Variants in FGF14 observed in about 807,000 individuals in gnomAD.
FGF14 encodes the protein fibroblast growth factor 14.
Under a neutral mutation model 25.5 loss-of-function variants are expected in FGF14, and 5 were observed. That is an observed-to-expected ratio of 0.20 (90% CI 0.10 to 0.41). The LOEUF (loss-of-function observed/expected upper bound fraction) is 0.41, where lower values mean the gene tolerates loss of function less well. FGF14 is among the 10% of genes least tolerant of loss of function. FGF14 has a pLI of 1.00. For missense variants in FGF14, 222 were observed against 320.1 expected (o/e 0.69, Z 2.34); for synonymous variants, 138 against 118.3 (o/e 1.17, Z -1.08).
intron 1 of FGF14, among the ~76,000 whole-genome samples, chr13:102,386,194 G>A (rs922656464): frequency 2.0e-5 from 3 of 149,614 alleles, no homozygotes. Context: ...GTGCAGTGGA[G>A]CAATCTCAGC....
At chr13:101,829,893 A>G (rs1176309393) in intron 3 of FGF14, among the ~76,000 whole-genome samples, 1 of 152,080 alleles carries the variant, frequency 6.6e-6, no homozygotes, top group Admixed American at 6.6e-5. Context: ...GGTTCTGAAA[A>G]TGAGGCTCAC....
intron 1 of FGF14, among the ~76,000 whole-genome samples, chr13:102,202,117 G>A (rs7986923): frequency 0.36 from 55,223 of 152,052 alleles, 10,076 homozygotes; most frequent in Non-Finnish European, 0.39. Flanking sequence ...GCGACTGTAA[G>A]TTCCCTGAGG....
At chr13:102,240,726 A>T (rs1357368225) in intron 1 of FGF14, among the ~76,000 whole-genome samples, 1 of 152,324 alleles carries the variant, frequency 6.6e-6, no homozygotes, top group Middle Eastern at 3.4e-3. Context: ...TGTAACACAT[A>T]AAATTTTTTA....
chr13:102,041,773 C>A (rs1014511281), intron 1 of FGF14, among the ~76,000 whole-genome samples: 2 of 152,174 alleles, frequency 1.3e-5, no homozygotes, highest in African/African-American at 4.8e-5. Context: ...TTATTTTCTT[C>A]TAGAAGTGTC....
intron 1 of FGF14, among the ~76,000 whole-genome samples, chr13:102,244,299 G>T (rs1034124984): frequency 6.6e-6 from 1 of 151,748 alleles, no homozygotes; most frequent in African/African-American, 2.4e-5. Context: ...TTGCAAGTTG[G>T]GTGTGCAGTA....
intron 1 of FGF14, among the ~76,000 whole-genome samples, chr13:102,170,486 C>T (rs1313464909): frequency 6.6e-6 from 1 of 151,998 alleles, no homozygotes; most frequent in Non-Finnish European, 1.5e-5. Flanking sequence ...CAGACGAATG[C>T]AACAGAAGCA....
chr13:101,764,075 TG>T (rs2139925217), intron 3 of FGF14, among the ~76,000 whole-genome samples: 1 of 152,318 alleles, frequency 6.6e-6, no homozygotes, highest in Admixed American at 6.5e-5. Flanking sequence ...GTAAGAAGTC[TG>T]TCCCCTGGGG....
At chr13:102,334,683 T>C (rs1334207251) in intron 1 of FGF14, among the ~76,000 whole-genome samples, 1 of 152,210 alleles carries the variant, frequency 6.6e-6, no homozygotes, top group Non-Finnish European at 1.5e-5. Context: ...AACTTCATGT[T>C]ATATGCACAG....
chr13:102,358,824 G>C (rs1368357644), intron 1 of FGF14, among the ~76,000 whole-genome samples: 3 of 152,046 alleles, frequency 2.0e-5, no homozygotes, highest in Admixed American at 1.3e-4. Flanking sequence ...ATCTTCATTA[G>C]TCAGATTCAG....
chr13:102,160,694 A>G (rs2047583501), intron 1 of FGF14, among the ~76,000 whole-genome samples: 1 of 152,108 alleles, frequency 6.6e-6, no homozygotes, highest in Admixed American at 6.6e-5. Context: ...AAATGCTAGA[A>G]TATCCTCAAG....
Position 102,157,076 on chromosome 13 carries a change from T to C in FGF14, c.208+244395A>G, listed in dbSNP as rs1042439551. On this transcript the variant is annotated intron_variant, in intron 1 of 4. Transcript: ENST00000376131. ...AGAATCAATATGACGAAAATGGCCA[T>C]ACTGCCCAAGGTCATTTACAGATTC... Among the ~76,000 whole-genome samples, 3 of 152,090 alleles carry C rather than the reference T, an allele frequency of 2.0e-5. No homozygotes were observed. The South Asian group carries it at 6.2e-4, about 32-fold the overall frequency.
At chr13:102,064,432 T>G (rs1204233085) in intron 1 of FGF14, among the ~76,000 whole-genome samples, 24 of 152,194 alleles carry the variant, frequency 1.6e-4, no homozygotes. Flanking sequence ...AAACATAAGT[T>G]GTTTAATACA....
chr13:101,975,925 A>T (rs1474466478), intron 1 of FGF14, among the ~76,000 whole-genome samples: 1 of 152,192 alleles, frequency 6.6e-6, no homozygotes. Flanking sequence ...ACAAAGTCAC[A>T]AGAGGGCCGT....
chr13:102,114,764 G>A (rs593077), intron 1 of FGF14, among the ~76,000 whole-genome samples: 7,837 of 152,124 alleles, frequency 0.052, 634 homozygotes, highest in African/African-American at 0.18. Context: ...ACTCATCTGA[G>A]ATATCTAAAA....
intron 1 of FGF14, among the ~76,000 whole-genome samples, chr13:102,278,177 A>G (rs888322469): frequency 1.3e-5 from 2 of 152,216 alleles, no homozygotes; most frequent in Admixed American, 6.5e-5. Flanking sequence ...TCATATCCAT[A>G]GCCCATTAAA....
chr13:102,143,500 C>T (rs749217533), intron 1 of FGF14, among the ~76,000 whole-genome samples: 32 of 152,008 alleles, frequency 2.1e-4, no homozygotes, highest in Non-Finnish European at 4.1e-4. Flanking sequence ...TAATTATGAC[C>T]CTCTACTAAA....
chr13:101,985,748 G>A (rs1432303261), intron 1 of FGF14, among the ~76,000 whole-genome samples: 2 of 152,026 alleles, frequency 1.3e-5, no homozygotes, highest in African/African-American at 4.8e-5. Flanking sequence ...TTGCTATTCA[G>A]TTTACAACAA....
intron 1 of FGF14, among the ~76,000 whole-genome samples, chr13:102,311,777 T>C (rs2055780486): frequency 6.6e-6 from 1 of 152,198 alleles, no homozygotes; most frequent in Non-Finnish European, 1.5e-5. Flanking sequence ...CTGAACAAGT[T>C]ATCCCCCATC....
chr13:101,757,151 G>A (rs951233169), intron 3 of FGF14, among the ~76,000 whole-genome samples: 1 of 152,070 alleles, frequency 6.6e-6, no homozygotes, highest in African/African-American at 2.4e-5. Context: ...CCTAAACTGA[G>A]CTCTCTAATT....
Sources: gnomAD v4.1 joint callset for allele counts (sites outside exome capture counted in the v4.1 genomes callset) on GRCh38, gnomAD v4.1.1 for gene constraint, MANE v1.5 for transcripts, NCBI Gene and HGNC (gene_info 2026-07-23, HGNC 2026-07-21) for gene names.